The following ATP8A2 variants were observed in gnomAD, a reference collection of about 807,000 sequenced individuals.
ATP8A2 encodes phospholipid-transporting ATPase IB.
In ATP8A2, 100 loss-of-function variants were observed where a neutral mutation model predicts 165.6. That is an observed-to-expected ratio of 0.60 (90% CI 0.51 to 0.71). The LOEUF is 0.71. Ranked by LOEUF, ATP8A2 falls within the 30% of genes least tolerant of loss-of-function variation. ATP8A2 has a pLI of 0.00. For synonymous variants in ATP8A2, 543 were observed against 548.8 expected (o/e 0.99, Z 0.15); for missense variants, 1,227 against 1,479.5 (o/e 0.83, Z 2.80).
At chr13:25,505,248 G>GTCTC (rs137985732) in intron 2 of ATP8A2, among the ~76,000 whole-genome samples, 7,401 of 149,934 alleles carry the variant, frequency 0.049, 262 homozygotes, top group Non-Finnish European at 0.071. Flanking sequence ...CTGTTAATCA[G>GTCTC]TCTCTCTCTC....
At chr13:25,437,451 C>T (rs938801860) in intron 1 of ATP8A2, among the ~76,000 whole-genome samples, 1 of 152,112 alleles carries the variant, frequency 6.6e-6, no homozygotes, top group Non-Finnish European at 1.5e-5. Flanking sequence ...ATATTTTGCT[C>T]CCTCCTCCTC....
intron 33 of ATP8A2, chr13:25,871,262 G>A (rs1052908509): frequency 7.8e-5 from 27 of 346,040 alleles, no homozygotes; most frequent in Admixed American, 4.9e-4. Context: ...CACAGTGTAC[G>A]TCTGATGTGG....
chr13:25,660,959 T>C (rs931159041), intron 24 of ATP8A2, among the ~76,000 whole-genome samples: 3 of 152,142 alleles, frequency 2.0e-5, no homozygotes, highest in Admixed American at 2.0e-4. Flanking sequence ...AGTGGGAGCG[T>C]AGCTTGCATA....
chr13:25,615,163 A>C (rs902980663), intron 24 of ATP8A2, among the ~76,000 whole-genome samples: 1 of 152,092 alleles, frequency 6.6e-6, no homozygotes, highest in Non-Finnish European at 1.5e-5. Context: ...AGGTGAGGGC[A>C]AGGTTAGGTG....
At chr13:26,009,246 A>G (rs1417975173) in intron 35 of ATP8A2, among the ~76,000 whole-genome samples, 3 of 152,224 alleles carry the variant, frequency 2.0e-5, no homozygotes, top group Non-Finnish European at 4.4e-5. Flanking sequence ...TTACAAATCA[A>G]GCTAGCAAAG....
At chr13:25,422,718 G>A (rs1593285922) in intron 1 of ATP8A2, among the ~76,000 whole-genome samples, 1 of 152,144 alleles carries the variant, frequency 6.6e-6, no homozygotes, top group Admixed American at 6.5e-5. Context: ...AAACTGTGGT[G>A]TATTCAGAGA....
At chr13:25,857,101 G>T (rs1468126851) in intron 30 of ATP8A2, among the ~76,000 whole-genome samples, 2 of 152,112 alleles carry the variant, frequency 1.3e-5, no homozygotes, top group African/African-American at 4.8e-5. Flanking sequence ...ACATTTGTCT[G>T]CCCCTTTGAC....
intron 27 of ATP8A2, among the ~76,000 whole-genome samples, chr13:25,810,049 C>G (rs1212989907): frequency 4.2e-4 from 64 of 152,276 alleles, no homozygotes; most frequent in Non-Finnish European, 4.4e-5. Flanking sequence ...GCATCAGTTC[C>G]ATTTGTTTTT....
chr13:25,999,560 G>A (rs1316910061), intron 35 of ATP8A2, among the ~76,000 whole-genome samples: 4 of 152,154 alleles, frequency 2.6e-5, no homozygotes, highest in South Asian at 4.2e-4. Context: ...ACTCCTCCAC[G>A]TCACCTCTCC....
At chr13:25,835,220 T>G (rs1033336520) in intron 28 of ATP8A2, among the ~76,000 whole-genome samples, 1 of 152,114 alleles carries the variant, frequency 6.6e-6, no homozygotes, top group Non-Finnish European at 1.5e-5. Flanking sequence ...TGTGCATGGC[T>G]CCTGGCTTCT....
chr13:25,770,040 T>C (rs2044585289), intron 26 of ATP8A2, among the ~76,000 whole-genome samples: 1 of 152,244 alleles, frequency 6.6e-6, no homozygotes, highest in African/African-American at 2.4e-5. Context: ...GTGGAAGAGA[T>C]CTAACTTAAC....
chr13:25,663,946 C>T (rs189460161), intron 24 of ATP8A2, among the ~76,000 whole-genome samples: 2 of 152,250 alleles, frequency 1.3e-5, no homozygotes, highest in Non-Finnish European at 2.9e-5. Context: ...TGGTGGCTCA[C>T]GCCTGTAATC....
intron 33 of ATP8A2, among the ~76,000 whole-genome samples, chr13:25,947,309 T>C (rs116285081): frequency 0.011 from 1,708 of 152,304 alleles, 26 homozygotes; most frequent in African/African-American, 0.039. Flanking sequence ...CTTTCTGTTA[T>C]GTGATTTCCA....
At chr13:25,641,855 ACAAGG>A (rs1466891485) in intron 24 of ATP8A2, among the ~76,000 whole-genome samples, 1 of 144,576 alleles carries the variant, frequency 6.9e-6, no homozygotes, top group Non-Finnish European at 1.5e-5. Context: ...TTCAAACTAT[ACAAGG>A]CTACAGTAAC....
chr13:25,948,825 C>T (rs1955275441), intron 33 of ATP8A2, among the ~76,000 whole-genome samples: 2 of 152,178 alleles, frequency 1.3e-5, no homozygotes, highest in Admixed American at 6.5e-5. Context: ...GACTTCCAAC[C>T]TCCAGGACTG....
intron 35 of ATP8A2, among the ~76,000 whole-genome samples, chr13:25,993,891 A>G (rs1026589256): frequency 6.6e-6 from 1 of 152,184 alleles, no homozygotes; most frequent in Non-Finnish European, 1.5e-5. Flanking sequence ...TGAGATTTTG[A>G]CAGGAATTGC....
At chr13:25,886,423 G>A (rs1194942402) in intron 33 of ATP8A2, among the ~76,000 whole-genome samples, 1 of 152,166 alleles carries the variant, frequency 6.6e-6, no homozygotes, top group African/African-American at 2.4e-5. Flanking sequence ...TAGAAGGGAG[G>A]TGTGCCTCTG....
At chr13:25,407,728 T>C (rs1289603953) in intron 1 of ATP8A2, among the ~76,000 whole-genome samples, 3 of 152,180 alleles carry the variant, frequency 2.0e-5, no homozygotes, top group African/African-American at 7.2e-5. Flanking sequence ...GGATTAAAAC[T>C]GAAGAGGATA....
chr13:25,882,843 A>C (rs1393619234), intron 33 of ATP8A2, among the ~76,000 whole-genome samples: 3 of 151,868 alleles, frequency 2.0e-5, no homozygotes, highest in Non-Finnish European at 4.4e-5. Context: ...AAATGAAGAG[A>C]GTTGTGTTCT....
Sources: allele counts gnomAD v4.1 joint callset (sites outside exome capture counted in the v4.1 genomes callset), GRCh38; gene constraint gnomAD v4.1.1; transcripts MANE v1.5; gene names NCBI Gene and HGNC (gene_info 2026-07-23, HGNC 2026-07-21).